ATP8A2: variants seen among roughly 807,000 people sequenced by gnomAD.
ATP8A2 encodes the protein phospholipid-transporting ATPase IB.
ATP8A2 carries 100 observed loss-of-function variants against 165.6 expected under a neutral mutation model. That is an observed-to-expected ratio of 0.60 (90% CI 0.51 to 0.71). The LOEUF (loss-of-function observed/expected upper bound fraction) is 0.71. Among genes scored for constraint, ATP8A2 ranks in the 30% least tolerant of loss-of-function variants. The pLI is 0.00. For missense variants in ATP8A2, 1,227 were observed against 1,479.5 expected (o/e 0.83, Z 2.80); for synonymous variants, 543 against 548.8 (o/e 0.99, Z 0.15).
intron 33 of ATP8A2, among the ~76,000 whole-genome samples, chr13:25,931,167 G>C (rs1190334704): frequency 2.0e-4 from 31 of 152,288 alleles, no homozygotes; most frequent in African/African-American, 7.0e-4. Flanking sequence ...CACCTGGGCT[G>C]ATGTGCTGAG....
Position 25,435,944 on chromosome 13 carries a change from T to TGA in ATP8A2, c.77-33032_77-33031insAG, listed in dbSNP as rs879699878. On this transcript the variant is annotated intron_variant, in intron 1 of 36. Transcript: ENST00000381655. Reference sequence around the variant, plus strand: ...GTGTGTGTGTGTGAGTGTGTGTGTGTGTGTGTGAGTGTGTGTGTGTGTGTG... The same window carrying TGA: ...GTGTGTGTGTGTGAGTGTGTGTGTGTGAGTGTGTGAGTGTGTGTGTGTGTGTG... Among the ~76,000 whole-genome samples the TGA allele has an allele frequency of 5.6e-4, 40 of 71,592 alleles. 1 individual carries two copies. The highest frequency in any genetic ancestry group is 2.5e-3 in the East Asian group (1 of 398). 47.0% of individuals were successfully genotyped at this position (71,592 alleles called of 152,430 possible). A position where few individuals can be genotyped will look rare whatever the true frequency, so the allele number is the denominator to read the frequency against.
intron 27 of ATP8A2, among the ~76,000 whole-genome samples, chr13:25,796,330 T>A (rs953518544): frequency 6.6e-6 from 1 of 152,224 alleles, no homozygotes; most frequent in African/African-American, 2.4e-5. Context: ...AAGGGCTAAT[T>A]GTGTGGTTAT....
rs141397752 is a variant in ATP8A2, at chr13:25,622,054, A to T, written c.2211+32355A>T. 4.6e-3 allele frequency among the ~76,000 whole-genome samples: 693 copies of T among 151,944 alleles called. 5 individuals are homozygous for T. Among genetic ancestry groups the T allele is most frequent in the Non-Finnish European group, 8.4e-3 (573 of 67,952 alleles). ...AAAACATCTCTGCTAAAAACATAAAACACTACCTGGGCATGGTGGTGCGCA... is the reference window on the plus strand; with the variant it reads ...AAAACATCTCTGCTAAAAACATAAATCACTACCTGGGCATGGTGGTGCGCA... On this transcript the variant is annotated intron_variant, in intron 24 of 36. Coordinates refer to ENST00000381655, the MANE Select transcript of ATP8A2 (RefSeq NM_016529.6).
At position 25,958,150 on chromosome 13, in the gene ATP8A2, G is replaced by A. The variant is rs962000873; in HGVS notation, c.3184-3425G>A. On this transcript the variant is annotated intron_variant, in intron 33 of 36. Coordinates refer to ENST00000381655, the MANE Select transcript of ATP8A2 (RefSeq NM_016529.6). Reference sequence around the variant, plus strand: ...CCTGTTGTGGGGTGGGGGACTAGGGGAAGGATAGCATTAGGAGAAATACCT... The same window carrying A: ...CCTGTTGTGGGGTGGGGGACTAGGGAAAGGATAGCATTAGGAGAAATACCT... 3.3e-5 allele frequency among the ~76,000 whole-genome samples: 5 copies of A among 151,918 alleles called. 1 individual carries two copies. The highest frequency in any genetic ancestry group is 2.1e-4 in the South Asian group (1 of 4,800).
chr13:26,002,193 T>C (rs1956641307), intron 35 of ATP8A2, among the ~76,000 whole-genome samples: 1 of 152,226 alleles, frequency 6.6e-6, no homozygotes, highest in Non-Finnish European at 1.5e-5. Context: ...AACACATTAT[T>C]ATTGACTATA....
intron 15 of ATP8A2, among the ~76,000 whole-genome samples, chr13:25,563,651 C>T (rs1187142746): frequency 3.3e-5 from 5 of 152,126 alleles, no homozygotes; most frequent in East Asian, 3.9e-4. Context: ...GGAAGTGACT[C>T]GGGCCAACTG....
At chr13:25,734,719 AC>A (rs1182034070) in intron 25 of ATP8A2, among the ~76,000 whole-genome samples, 6 of 151,684 alleles carry the variant, frequency 4.0e-5, no homozygotes, top group Admixed American at 1.3e-4. Context: ...GCTCACTGCA[AC>A]CCCCGGCCCC....
At chr13:25,678,799 C>T (rs2042424618) in intron 24 of ATP8A2, among the ~76,000 whole-genome samples, 1 of 152,180 alleles carries the variant, frequency 6.6e-6, no homozygotes, top group South Asian at 2.1e-4. Flanking sequence ...AAGGCTTCCT[C>T]ATAAAATGAG....
At chr13:26,006,593 A>G (rs969863320) in intron 35 of ATP8A2, among the ~76,000 whole-genome samples, 2 of 152,028 alleles carry the variant, frequency 1.3e-5, no homozygotes, top group Non-Finnish European at 2.9e-5. Flanking sequence ...CTTCTTGAAC[A>G]TGGAAAGATG....
intron 24 of ATP8A2, among the ~76,000 whole-genome samples, chr13:25,667,774 A>G (rs2042183931): frequency 6.7e-6 from 1 of 150,308 alleles, no homozygotes; most frequent in Non-Finnish European, 1.5e-5. Flanking sequence ...TTTGTGTTTG[A>G]TTTTTTTTTC....
intron 35 of ATP8A2, among the ~76,000 whole-genome samples, chr13:25,978,317 G>C (rs556185684): frequency 2.0e-5 from 3 of 152,130 alleles, no homozygotes; most frequent in Admixed American, 6.5e-5. Flanking sequence ...CTTTTCTCCT[G>C]CGTTATCAGT....
intron 33 of ATP8A2, among the ~76,000 whole-genome samples, chr13:25,872,075 G>C (rs560829175): frequency 1.5e-4 from 17 of 112,978 alleles, no homozygotes; most frequent in Non-Finnish European, 2.4e-4. Context: ...TTCGGAATGC[G>C]CATTCAAATG....
chr13:25,832,694 A>G (rs1421493220), intron 28 of ATP8A2, among the ~76,000 whole-genome samples: 1 of 152,236 alleles, frequency 6.6e-6, no homozygotes, highest in East Asian at 1.9e-4. Context: ...GAAAAAAGCC[A>G]TTTAACCAGA....
At chr13:25,573,139 TC>T (rs1566285179) in intron 18 of ATP8A2, among the ~76,000 whole-genome samples, 1 of 152,144 alleles carries the variant, frequency 6.6e-6, no homozygotes, top group Non-Finnish European at 1.5e-5. Flanking sequence ...GAGGTCTTTT[TC>T]CCCCCTTCAG....
chr13:25,992,943 G>GT (rs1956425185), intron 35 of ATP8A2, among the ~76,000 whole-genome samples: 1 of 124,794 alleles, frequency 8.0e-6, no homozygotes, highest in South Asian at 2.7e-4. Flanking sequence ...GCGGTGTTTG[G>GT]TTTTTTGTTC....
intron 24 of ATP8A2, among the ~76,000 whole-genome samples, chr13:25,632,119 T>G (rs765125932): frequency 1.3e-5 from 2 of 152,170 alleles, no homozygotes; most frequent in African/African-American, 4.8e-5. Flanking sequence ...AAGGATGTTA[T>G]GGATGAACAG....
intron 33 of ATP8A2, among the ~76,000 whole-genome samples, chr13:25,880,307 G>A (rs1485147200): frequency 6.7e-6 from 1 of 149,674 alleles, no homozygotes; most frequent in Non-Finnish European, 1.5e-5. Context: ...TTGTGAAGTA[G>A]CCACATGTCC....
Position 25,538,004 on chromosome 13 carries a change from T to TTGTGAAGGTCGTCAA in ATP8A2, c.527_541dup (p.Val176_Asn180dup). 1 of 1,613,914 alleles carries TTGTGAAGGTCGTCAA rather than the reference T, an allele frequency of 6.2e-7. No individual in the cohort carries two copies. The highest frequency in any genetic ancestry group is 8.5e-7 in the Non-Finnish European group (1 of 1,179,822). ...TCTCTCTAGGTGGCAGTGGGAGACA[T>TTGTGAAGGTCGTCAA]TGTGAAGGTCGTCAATGGGCAGTAT... On this transcript the variant is annotated inframe_insertion, in exon 7 of 37. Transcript: ENST00000381655.
chr13:25,942,408 T>G (rs956793232), intron 33 of ATP8A2, among the ~76,000 whole-genome samples: 1 of 152,224 alleles, frequency 6.6e-6, no homozygotes, highest in African/African-American at 2.4e-5. Flanking sequence ...CCATTGTTAA[T>G]GTAGGCAAGC....
Sources: allele counts gnomAD v4.1 joint callset (sites outside exome capture counted in the v4.1 genomes callset), GRCh38; gene constraint gnomAD v4.1.1; transcripts MANE v1.5; gene names NCBI Gene and HGNC (gene_info 2026-07-23, HGNC 2026-07-21).